The following ATP6V1C1 variants were observed in gnomAD, a reference collection of about 807,000 sequenced individuals.
The protein encoded by ATP6V1C1 is ATPase H+ transporting V1 subunit C1, also known as V-type proton ATPase subunit C 1.
A neutral mutation model predicts 53.9 loss-of-function variants in ATP6V1C1; 45 were observed. The observed-to-expected ratio is 0.83, with a 90% CI of 0.66 to 1.07. The LOEUF (loss-of-function observed/expected upper bound fraction) is 1.07. Among genes scored for constraint, ATP6V1C1 ranks in the 50% least tolerant of loss-of-function variants. The pLI is 0.00. For synonymous variants in ATP6V1C1, 153 were observed against 155.2 expected (o/e 0.99, Z 0.11); for missense variants, 315 against 440.3 (o/e 0.72, Z 2.55).
rs182210463 is a variant in ATP6V1C1 at position 103,038,144 on chromosome 8, G to T, written c.-39-2654G>T. On this transcript the variant is annotated intron_variant, in intron 1 of 12. Coordinates refer to ENST00000518738, the MANE Select transcript of ATP6V1C1 (RefSeq NM_001695.5). ...GTAGTCCCTCTGCTTGTTTTGCCTG[G>T]ACTCATTGATGCAGCCGCATTCAGC... 1.2e-4 allele frequency among the ~76,000 whole-genome samples: 18 copies of T among 152,200 alleles called. No individual in the cohort carries two copies. The East Asian group carries it at 3.3e-3, about 28-fold the overall frequency.
chr8:103,067,246 A>G (rs1188403697), intron 12 of ATP6V1C1, among the ~76,000 whole-genome samples: 3 of 151,672 alleles, frequency 2.0e-5, no homozygotes, highest in Non-Finnish European at 2.9e-5. Flanking sequence ...TAGAAATACA[A>G]TAATTAGCTG....
At chr8:103,052,880 C>T (rs1277039930) in intron 6 of ATP6V1C1, 58 bp downstream of exon 6, 13 of 1,032,690 alleles carry the variant, frequency 1.3e-5, no homozygotes, top group South Asian at 5.1e-5. Context: ...TAGCATGCAC[C>T]GAAGGAGATA....
intron 1 of ATP6V1C1, among the ~76,000 whole-genome samples, chr8:103,023,929 A>G (rs117622067): frequency 8.8e-4 from 134 of 152,294 alleles, no homozygotes; most frequent in Non-Finnish European, 1.6e-3. Flanking sequence ...TTCTCCCTGA[A>G]GAGTCAGCAC....
At chr8:103,067,850 G>A (rs1817522550) in intron 12 of ATP6V1C1, among the ~76,000 whole-genome samples, 1 of 152,120 alleles carries the variant, frequency 6.6e-6, no homozygotes, top group Non-Finnish European at 1.5e-5. Context: ...CTCCCAAAGT[G>A]CTAAGATTAC....
chr8:103,025,044 GTGTGTGTGTGTGTGTCTGTGTGAGTA>G (rs1311681491), intron 1 of ATP6V1C1, among the ~76,000 whole-genome samples: 1 of 151,332 alleles, frequency 6.6e-6, no homozygotes, highest in Non-Finnish European at 1.5e-5. Context: ...AAAATGTGGG[GTGTGTGTGTGTGTGTCTGTGTGAGTA>G]TGTGTGTGTA....
chr8:103,040,713 A>G (rs1816983913), intron 1 of ATP6V1C1, 85 bp from the exon 2 acceptor site: 10 of 1,216,156 alleles, frequency 8.2e-6, no homozygotes, highest in Non-Finnish European at 9.0e-6. Flanking sequence ...AACAGGTTAT[A>G]TGTTATAACT....
At chr8:103,034,488 T>C (rs1816856281) in intron 1 of ATP6V1C1, among the ~76,000 whole-genome samples, 1 of 152,114 alleles carries the variant, frequency 6.6e-6, no homozygotes, top group Admixed American at 6.5e-5. Context: ...CATTTTCCGA[T>C]GAATAAAGAC....
At chr8:103,030,561 C>T (rs920965371) in intron 1 of ATP6V1C1, among the ~76,000 whole-genome samples, 6 of 152,106 alleles carry the variant, frequency 3.9e-5, no homozygotes, top group African/African-American at 1.2e-4. Context: ...AGGAGCTGAG[C>T]GAAAGGAAAT....
Position 103,055,809 on chromosome 8 carries a change from A to T in ATP6V1C1, c.573-59A>T, listed in dbSNP as rs149002109. 95 of 1,479,752 alleles carry T rather than the reference A, an allele frequency of 6.4e-5. No homozygotes were observed. The African/African-American group carries it at 9.2e-4, about 14-fold the overall frequency. 91.7% of individuals were successfully genotyped at this position (1,479,752 alleles called of 1,614,324 possible). ...GTCTCATAATTTTTTCTCTTCCTGG[A>T]TATGGCAGGAAATAGGACTTGTTTT... On this transcript the variant is annotated intron_variant, in intron 7 of 12. Transcript: ENST00000518738.
intron 8 of ATP6V1C1, among the ~76,000 whole-genome samples, chr8:103,057,373 C>G (rs1456059442): frequency 6.6e-6 from 1 of 152,180 alleles, no homozygotes. Flanking sequence ...TAATCAGAGG[C>G]TAGGGTGAAG....
At chr8:103,046,020 T>C (rs1302375102) in intron 3 of ATP6V1C1, among the ~76,000 whole-genome samples, 1 of 151,774 alleles carries the variant, frequency 6.6e-6, no homozygotes, top group African/African-American at 2.4e-5. Context: ...CCCTGAGGTC[T>C]CATCTACCTC....
Position 103,068,841 on chromosome 8 carries a change from T to A in ATP6V1C1, c.*94T>A. On this transcript the variant is annotated 3_prime_UTR_variant, in exon 13 of 13. Coordinates refer to ENST00000518738, the MANE Select transcript of ATP6V1C1 (RefSeq NM_001695.5). ...GGTCGTACTTTTAACTCTAGTATCCTTTGCTTGCTTCTTACGCCCTTTCCT... is the reference window on the plus strand; with the variant it reads ...GGTCGTACTTTTAACTCTAGTATCCATTGCTTGCTTCTTACGCCCTTTCCT... The A allele has an allele frequency of 9.6e-7, 1 of 1,039,686 alleles. No individual in the cohort carries two copies. The highest frequency in any genetic ancestry group is 1.4e-6 in the Non-Finnish European group (1 of 730,306). The allele number at this position is 1,039,686 out of a possible 1,614,324, so 64.4% of individuals were successfully genotyped here.
At chr8:103,024,334 A>G (rs1239162896) in intron 1 of ATP6V1C1, among the ~76,000 whole-genome samples, 2 of 152,170 alleles carry the variant, frequency 1.3e-5, no homozygotes, top group Admixed American at 1.3e-4. Flanking sequence ...TAGGAGCCTC[A>G]TGTACATTAG....
At chr8:103,035,393 A>C (rs191306860) in intron 1 of ATP6V1C1, among the ~76,000 whole-genome samples, 10 of 152,324 alleles carry the variant, frequency 6.6e-5, no homozygotes, top group African/African-American at 2.4e-4. Context: ...CCAGGAATTT[A>C]GTGTATTCTG....
intron 10 of ATP6V1C1, 30 bp from the exon 11 acceptor site, chr8:103,064,684 A>C: frequency 2.5e-6 from 4 of 1,590,372 alleles, no homozygotes; most frequent in Non-Finnish European, 3.4e-6. Flanking sequence ...TCTAAGACCA[A>C]ATTTGTGGTA....
chr8:103,060,418 CT>C (rs1355438692), intron 8 of ATP6V1C1, among the ~76,000 whole-genome samples: 1 of 152,166 alleles, frequency 6.6e-6, no homozygotes, highest in Non-Finnish European at 1.5e-5. Flanking sequence ...GGTGAAACTC[CT>C]TTGAATCCCC....
chr8:103,031,616 A>G (rs1194761125), intron 1 of ATP6V1C1, among the ~76,000 whole-genome samples: 1 of 152,194 alleles, frequency 6.6e-6, no homozygotes, highest in Non-Finnish European at 1.5e-5. Flanking sequence ...CAAGCCGTTT[A>G]TGAGGGATCT....
Position 103,069,630 on chromosome 8 carries a change from T to C in ATP6V1C1, c.*883T>C, listed in dbSNP as rs1407383489. The C allele has an allele frequency of 6.6e-6, 1 of 152,220 alleles. No homozygotes were observed. Among genetic ancestry groups the C allele is most frequent in the Non-Finnish European group, 1.5e-5 (1 of 68,036 alleles). The allele number at this position is 152,220 out of a possible 1,614,324, so 9.4% of individuals were successfully genotyped here. ...GTGTTGTCTTCTTAAGATCTATAAT[T>C]TTGGCATTTATGTCATTTGTGACAT... is the stretch of plus-strand genomic sequence containing the variant. On this transcript the variant is annotated 3_prime_UTR_variant, in exon 13 of 13. Transcript: ENST00000518738.
chr8:103,042,450 C>T, intron 3 of ATP6V1C1, 43 bp downstream of exon 3: 17 of 1,572,432 alleles, frequency 1.1e-5, no homozygotes, highest in Non-Finnish European at 1.3e-5. Flanking sequence ...ATGGGAGACA[C>T]TATTATCAGG....
Sources: allele counts gnomAD v4.1 joint callset (sites outside exome capture counted in the v4.1 genomes callset), GRCh38; gene constraint gnomAD v4.1.1; transcripts MANE v1.5; gene names NCBI Gene and HGNC (gene_info 2026-07-23, HGNC 2026-07-21).